PIK3C3: variants seen among roughly 807,000 people sequenced by gnomAD.
The protein encoded by PIK3C3 is phosphatidylinositol 3-kinase catalytic subunit type 3.
Under a neutral mutation model 126.1 loss-of-function variants are expected in PIK3C3, and 95 were observed. The ratio of observed to expected loss-of-function variants is 0.75; its 90% CI spans 0.64 to 0.89. The LOEUF is 0.89. Ranked by LOEUF, PIK3C3 falls within the 40% of genes least tolerant of loss-of-function variation. The probability of loss-of-function intolerance (pLI) is 0.00; values close to 1 mark genes in which losing one functional copy is unlikely to be tolerated. For missense variants in PIK3C3, 829 were observed against 1,063.2 expected, an observed-to-expected ratio of 0.78 and a Z score of 3.06; for synonymous variants, 374 against 360.0, an observed-to-expected ratio of 1.04 and a Z score of -0.44.
At chr18:42,015,393 G>A in intron 11 of PIK3C3, 83 bp from the exon 12 acceptor site, 2 of 980,394 alleles carry the variant, frequency 2.0e-6, no homozygotes, top group Non-Finnish European at 3.2e-6. Flanking sequence ...CACAATTGAA[G>A]TGAACTGTTC....
intron 4 of PIK3C3, 62 bp downstream of exon 4, chr18:41,970,518 C>T (rs1021523119): frequency 1.1e-5 from 15 of 1,404,864 alleles, no homozygotes; most frequent in Non-Finnish European, 1.2e-5. Flanking sequence ...AGTATATATA[C>T]CTTGACATTA....
rs754537783 is a variant in PIK3C3 at position 42,015,490 on chromosome 18, C to T, written c.1340C>T (p.Thr447Ile). 1.2e-5 allele frequency: 20 copies of T among 1,613,242 alleles called. No homozygotes were observed. The South Asian group carries it at 2.1e-4, about 17-fold the overall frequency. ...TACTTTTTCAGCTCCCAAATTATAA[C>T]CAGCCCCCTTCCTTCAGTCTCTTCA... is the stretch of plus-strand genomic sequence containing the variant. ...SAEIDSSQII[T>I]SPLPSVSSPP... The change falls in exon 12 of 25, where the codon ACC becomes ATC. Residue 447 changes from threonine (T) to isoleucine (I), a missense_variant. By Grantham distance (89) the Thr-to-Ile change is moderately conservative. This residue lies in a region of PIK3C3 where 256 missense variants were observed against 291.0 expected (regional missense o/e 0.88). Transcript: ENST00000262039.
At chr18:42,001,481 A>G (rs1214596840) in intron 9 of PIK3C3, among the ~76,000 whole-genome samples, 4 of 152,210 alleles carry the variant, frequency 2.6e-5, no homozygotes, top group Admixed American at 2.6e-4. Flanking sequence ...TACATGGATC[A>G]GTAAAGCATC....
chr18:42,053,389 A>G (rs907076119), intron 21 of PIK3C3, among the ~76,000 whole-genome samples: 1 of 152,190 alleles, frequency 6.6e-6, no homozygotes, highest in Non-Finnish European at 1.5e-5. Flanking sequence ...GGCGCTGTGT[A>G]TCCACCATAA....
chr18:42,067,904 A>G lies in PIK3C3; in HGVS notation c.2649+391A>G, dbSNP rs144389678. Among the ~76,000 whole-genome samples the G allele has an allele frequency of 2.6e-5, 4 of 152,384 alleles. No individual in the cohort carries two copies. The East Asian group carries it at 7.7e-4, about 29-fold the overall frequency. On this transcript the variant is annotated intron_variant, in intron 24 of 24. Coordinates refer to ENST00000262039, the MANE Select transcript of PIK3C3 (RefSeq NM_002647.4). The stretch of plus-strand genomic sequence containing the variant: ...AGAAAAGCAATCCACATCACACACC[A>G]GAAAGGTCTATCCATAGACTTACTA...
At chr18:42,076,143 TGCGC>T (rs1259683651) in intron 24 of PIK3C3, among the ~76,000 whole-genome samples, 68 of 66,682 alleles carry the variant, frequency 1.0e-3, no homozygotes, top group African/African-American at 1.2e-3. Context: ...TATATATATA[TGCGC>T]ATATATATAT....
rs996670760 is a variant in PIK3C3, at chr18:42,083,262, CTTT to C, written c.*2126_*2128del. On this transcript the variant is annotated 3_prime_UTR_variant, in exon 25 of 25. Coordinates refer to ENST00000262039, the MANE Select transcript of PIK3C3 (RefSeq NM_002647.4). ...TCCTCAGAGTGTAGTCTGCATATTT[CTTT>C]ATTATCATTGCCATGTGACTTCTTT... is the stretch of plus-strand genomic sequence containing the variant. 2.6e-5 allele frequency: 4 copies of C among 152,092 alleles called. No individual in the cohort carries two copies. Among genetic ancestry groups the C allele is most frequent in the African/African-American group, 9.7e-5 (4 of 41,418 alleles). 9.4% of individuals were successfully genotyped at this position (152,092 alleles called of 1,614,324 possible). A position where few individuals can be genotyped will look rare whatever the true frequency, so the allele number is the denominator to read the frequency against.
At chr18:42,013,190 A>G (rs1378494958) in intron 10 of PIK3C3, among the ~76,000 whole-genome samples, 1 of 149,610 alleles carries the variant, frequency 6.7e-6, no homozygotes, top group Non-Finnish European at 1.5e-5. Flanking sequence ...CGGACACTAT[A>G]CTGTGACTTT....
intron 1 of PIK3C3, 90 bp from the exon 2 acceptor site, chr18:41,957,480 A>G (rs1270438506): frequency 2.4e-6 from 3 of 1,266,744 alleles, no homozygotes; most frequent in Non-Finnish European, 3.3e-6. Flanking sequence ...GTACATGCTT[A>G]AAGCATATAT....
intron 10 of PIK3C3, among the ~76,000 whole-genome samples, chr18:42,007,059 G>A (rs1044063117): frequency 1.2e-4 from 18 of 151,818 alleles, no homozygotes; most frequent in African/African-American, 4.1e-4. Flanking sequence ...TAGTAGAGAC[G>A]GGGTTTCACC....
chr18:42,048,497 T>C (rs1984654934), intron 20 of PIK3C3, among the ~76,000 whole-genome samples: 1 of 152,180 alleles, frequency 6.6e-6, no homozygotes, highest in Non-Finnish European at 1.5e-5. Flanking sequence ...GAGCCTGAAG[T>C]TTTTCATTTG....
chr18:42,018,432 A>G (rs1454575557), intron 12 of PIK3C3, among the ~76,000 whole-genome samples: 1 of 152,130 alleles, frequency 6.6e-6, no homozygotes, highest in Non-Finnish European at 1.5e-5. Flanking sequence ...GCAGATAGTC[A>G]AAAGAGAAAC....
intron 22 of PIK3C3, among the ~76,000 whole-genome samples, chr18:42,059,549 T>C (rs1443167873): frequency 3.3e-5 from 5 of 152,118 alleles, no homozygotes; most frequent in Non-Finnish European, 7.3e-5. Flanking sequence ...AGGAAAACAA[T>C]GTGGTTTATA....
rs185871549 is a variant in PIK3C3 at position 42,054,716 on chromosome 18, T to C, written c.2264-3167T>C. On this transcript the variant is annotated intron_variant, in intron 21 of 24. Coordinates refer to ENST00000262039, the MANE Select transcript of PIK3C3 (RefSeq NM_002647.4). ...TTGCATTTATTTTGCCCCTCCCCCA[T>C]TGGGTGACTTTGGGTAAGTTACATA... Among the ~76,000 whole-genome samples, 372 of 152,142 alleles carry C rather than the reference T, an allele frequency of 2.4e-3. 2 individuals are homozygous for C. The highest frequency in any genetic ancestry group is 8.7e-3 in the African/African-American group (360 of 41,528).
intron 16 of PIK3C3, among the ~76,000 whole-genome samples, chr18:42,035,175 CTG>C (rs1983993254): frequency 6.6e-6 from 1 of 151,844 alleles, no homozygotes; most frequent in Admixed American, 6.6e-5. Context: ...TTTTTTTAGT[CTG>C]TGCTTGCAGT....
At chr18:42,065,425 T>G (rs1985495018) in intron 23 of PIK3C3, among the ~76,000 whole-genome samples, 1 of 152,034 alleles carries the variant, frequency 6.6e-6, no homozygotes, top group Admixed American at 6.6e-5. Flanking sequence ...AAGAACAAAA[T>G]GAAAATTATG....
In PIK3C3 at chr18:41,957,650, A is replaced by G. The variant is rs1214377013; in HGVS notation, c.149A>G (p.Tyr50Cys). 1.2e-5 allele frequency: 19 copies of G among 1,613,888 alleles called. No individual in the cohort carries two copies. The highest frequency in any genetic ancestry group is 1.5e-5 in the Non-Finnish European group (18 of 1,179,928). Reference protein sequence around the residue: ...EDPMLKFSGLYQETCSDLYVT... With the variant: ...EDPMLKFSGLCQETCSDLYVT... ...CCAATGTTGAAGTTCTCAGGACTAT[A>G]TCAAGAGACATGCTCTGATCTTTAT... Residue 50 changes from tyrosine (Y) to cysteine (C), a missense_variant, in exon 2 of 25, where the codon TAT becomes TGT. Tyr to Cys is a radical substitution (Grantham distance 194, BLOSUM62 -2). This residue lies in a region of PIK3C3 where 313 missense variants were observed against 340.7 expected (regional missense o/e 0.92). Transcript: ENST00000262039.
intron 6 of PIK3C3, among the ~76,000 whole-genome samples, chr18:41,992,447 C>T (rs909896912): frequency 2.6e-5 from 4 of 152,070 alleles, no homozygotes; most frequent in African/African-American, 9.7e-5. Context: ...GAGTTTGTTG[C>T]CCATATTTAA....
At chr18:42,059,051 G>A (rs1315403518) in intron 22 of PIK3C3, among the ~76,000 whole-genome samples, 1 of 152,176 alleles carries the variant, frequency 6.6e-6, no homozygotes, top group Non-Finnish European at 1.5e-5. Flanking sequence ...TATTCATTGA[G>A]AACTCTTCGT....
Sources: gnomAD v4.1 joint callset for allele counts (sites outside exome capture counted in the v4.1 genomes callset) on GRCh38, gnomAD v4.1.1 for gene constraint, gnomAD v4.1.1 regional missense constraint, MANE v1.5 for transcripts, NCBI Gene and HGNC (gene_info 2026-07-23, HGNC 2026-07-21) for gene names.